Variants in STYK1 observed in about 807,000 individuals in gnomAD.
STYK1 encodes the protein STY kinase 1, also known as tyrosine-protein kinase STYK1.
Under a neutral mutation model 48.1 loss-of-function variants are expected in STYK1, and 46 were observed. That is an observed-to-expected ratio of 0.96 (90% CI 0.75 to 1.22). STYK1 has a LOEUF of 1.22. Among genes scored for constraint, STYK1 ranks in the 50% most tolerant of loss-of-function variants. STYK1 has a pLI of 0.00. For missense variants in STYK1, 527 were observed against 521.1 expected (o/e 1.01, Z -0.11); for synonymous variants, 188 against 189.0 (o/e 0.99, Z 0.04).
intron 10 of STYK1, 50 bp downstream of exon 10, chr12:10,621,826 C>A (rs1328878566): frequency 6.4e-7 from 1 of 1,554,556 alleles, no homozygotes; most frequent in African/African-American, 1.4e-5. Flanking sequence ...TGATAGAGGG[C>A]TAAACAACAT....
chr12:10,625,708 A>G (rs1300819948), intron 7 of STYK1, among the ~76,000 whole-genome samples: 6 of 152,222 alleles, frequency 3.9e-5, no homozygotes, highest in Non-Finnish European at 1.5e-5. Flanking sequence ...AGTAGTGACC[A>G]GAACCAGGTA....
intron 1 of STYK1, among the ~76,000 whole-genome samples, chr12:10,669,298 ACATGGTACC>A (rs1947868133): frequency 6.6e-6 from 1 of 152,210 alleles, no homozygotes; most frequent in Non-Finnish European, 1.5e-5. Flanking sequence ...TATAGCAAGT[ACATGGTACC>A]CAGGTTTCTG....
In STYK1 at chr12:10,652,182, C is replaced by T. The variant is rs1356932336; in HGVS notation, c.-194-14986G>A. 6.6e-5 allele frequency among the ~76,000 whole-genome samples: 10 copies of T among 152,024 alleles called. 1 individual carries two copies. In the South Asian group the frequency reaches 1.5e-3, roughly 22 times the overall value. ...TGTTATCTCCTTTTCTTAATTAATC[C>T]GGAGAAAATTCACCAGACTCTAATT... On this transcript the variant is annotated intron_variant, in intron 1 of 10. Coordinates refer to ENST00000075503, the MANE Select transcript of STYK1 (RefSeq NM_018423.3).
At chr12:10,655,693 C>T (rs1189734663) in intron 1 of STYK1, among the ~76,000 whole-genome samples, 1 of 152,142 alleles carries the variant, frequency 6.6e-6, no homozygotes, top group African/African-American at 2.4e-5. Flanking sequence ...AATACTGGTA[C>T]ACTTGTGATT....
chr12:10,637,928 C>T (rs999729029), intron 1 of STYK1, among the ~76,000 whole-genome samples: 5 of 152,196 alleles, frequency 3.3e-5, no homozygotes, highest in Admixed American at 2.0e-4. Context: ...CACCTGACTA[C>T]TAGAAGGACA....
intron 1 of STYK1, among the ~76,000 whole-genome samples, chr12:10,665,849 C>T (rs1230352726): frequency 2.0e-5 from 3 of 152,194 alleles, no homozygotes; most frequent in Non-Finnish European, 4.4e-5. Context: ...TTAAAGGAGC[C>T]AGGCCTTGAG....
intron 1 of STYK1, among the ~76,000 whole-genome samples, chr12:10,647,397 G>A (rs1021205320): frequency 6.6e-6 from 1 of 152,178 alleles, no homozygotes; most frequent in Non-Finnish European, 1.5e-5. Flanking sequence ...CTTGTATGGG[G>A]CCTGTATCCC....
chr12:10,641,497 A>G (rs749339325), intron 1 of STYK1, among the ~76,000 whole-genome samples: 3 of 152,138 alleles, frequency 2.0e-5, no homozygotes, highest in Non-Finnish European at 4.4e-5. Flanking sequence ...GGCAGAGAGG[A>G]GGGCCCAAGC....
chr12:10,642,749 G>T (rs994647955), intron 1 of STYK1, among the ~76,000 whole-genome samples: 1 of 152,144 alleles, frequency 6.6e-6, no homozygotes, highest in African/African-American at 2.4e-5. Context: ...TAGTACAGCT[G>T]CCAGTAGATA....
chr12:10,648,295 T>C (rs1269482664), intron 1 of STYK1, among the ~76,000 whole-genome samples: 2 of 152,138 alleles, frequency 1.3e-5, no homozygotes, highest in African/African-American at 4.8e-5. Context: ...ATAAATTATA[T>C]TGGGTTTGTG....
intron 7 of STYK1, among the ~76,000 whole-genome samples, chr12:10,625,806 A>T (rs536608337): frequency 1.3e-5 from 2 of 152,208 alleles, no homozygotes; most frequent in African/African-American, 4.8e-5. Flanking sequence ...CTTTTTAAAC[A>T]TAAGATTTTC....
chr12:10,635,232 T>C (rs1947473418), intron 2 of STYK1, among the ~76,000 whole-genome samples: 1 of 152,020 alleles, frequency 6.6e-6, no homozygotes, highest in Non-Finnish European at 1.5e-5. Flanking sequence ...TTAATCCTCC[T>C]GCCTCAATCC....
At chr12:10,646,910 G>A (rs2120720027) in intron 1 of STYK1, among the ~76,000 whole-genome samples, 1 of 152,362 alleles carries the variant, frequency 6.6e-6, no homozygotes, top group East Asian at 1.9e-4. Context: ...GCTTCCATGT[G>A]GTGTTGAGCC....
rs140055345 is a variant in STYK1, at chr12:10,624,742, G to A, written c.835C>T (p.Arg279Ter). 3.1e-6 allele frequency: 5 copies of A among 1,614,096 alleles called. No individual in the cohort carries two copies. Among genetic ancestry groups the A allele is most frequent in the East Asian group, 2.2e-5 (1 of 44,858 alleles). The change falls in exon 8 of 11, where the codon CGA becomes TGA. Residue 279 changes from arginine to a stop codon, truncating the protein, a stop_gained. Coordinates refer to ENST00000075503, the MANE Select transcript of STYK1 (RefSeq NM_018423.3). LOFTEE classifies it high-confidence loss of function. ...GTTTGAGTAGAGGAGATGGCCCCTC[G>A]GGTGTAAACTTCATAAGCCAGGCCT... ...GLGLAYEVYT[R>*]GAISSTQTIP...
At chr12:10,659,289 C>T (rs1947751118) in intron 1 of STYK1, among the ~76,000 whole-genome samples, 1 of 152,136 alleles carries the variant, frequency 6.6e-6, no homozygotes, top group South Asian at 2.1e-4. Flanking sequence ...GCATATTTCT[C>T]TCTATCTGAT....
At chr12:10,640,102 G>T (rs1947527735) in intron 1 of STYK1, among the ~76,000 whole-genome samples, 1 of 152,026 alleles carries the variant, frequency 6.6e-6, no homozygotes, top group African/African-American at 2.4e-5. Flanking sequence ...TGTTTCCTTT[G>T]TTCATTTTCC....
At chr12:10,661,027 T>G (rs559688723) in intron 1 of STYK1, among the ~76,000 whole-genome samples, 56 of 152,178 alleles carry the variant, frequency 3.7e-4, no homozygotes, top group African/African-American at 1.3e-3. Context: ...GAATTCTTTC[T>G]TGAGTGAAGT....
At chr12:10,646,565 T>C (rs1043726213) in intron 1 of STYK1, among the ~76,000 whole-genome samples, 2 of 152,214 alleles carry the variant, frequency 1.3e-5, no homozygotes, top group African/African-American at 4.8e-5. Context: ...ATTTGCAGCC[T>C]GACAATGTGA....
chr12:10,625,449 C>T (rs1211859130), intron 7 of STYK1, among the ~76,000 whole-genome samples: 1 of 152,138 alleles, frequency 6.6e-6, no homozygotes, highest in Non-Finnish European at 1.5e-5. Context: ...GATTTCCTGA[C>T]CTTGTGATCT....
Sources: allele counts gnomAD v4.1 joint callset (sites outside exome capture counted in the v4.1 genomes callset), GRCh38; gene constraint gnomAD v4.1.1; transcripts MANE v1.5; gene names NCBI Gene and HGNC (gene_info 2026-07-23, HGNC 2026-07-21).